TSHZ3: variants seen among roughly 807,000 people sequenced by gnomAD.
The protein encoded by TSHZ3 is teashirt zinc finger homeobox 3.
In TSHZ3, 10 loss-of-function variants were observed where a neutral mutation model predicts 64.5. The observed-to-expected ratio is 0.16, with a 90% confidence interval of 0.10 to 0.26. The LOEUF (loss-of-function observed/expected upper bound fraction) is 0.26. TSHZ3 is among the 10% of genes least tolerant of loss of function. The pLI is 1.00. For synonymous variants in TSHZ3, 608 were observed against 593.1 expected (o/e 1.03, Z -0.36); for missense variants, 1,242 against 1,421.7 (o/e 0.87, Z 2.03).
At chr19:31,195,089 GA>G (rs1470369547) in intron 5 of TSHZ3, among the ~76,000 whole-genome samples, 2 of 152,008 alleles carry the variant, frequency 1.3e-5, no homozygotes, top group African/African-American at 4.8e-5. Flanking sequence ...TAATATCTGA[GA>G]ACTATAGGAC....
chr19:31,348,449 A>G (rs1318110151), intron 1 of TSHZ3, among the ~76,000 whole-genome samples: 1 of 147,868 alleles, frequency 6.8e-6, no homozygotes, highest in South Asian at 2.2e-4. Flanking sequence ...AGGAGTTGAC[A>G]CTCCCGGTTA....
intron 1 of TSHZ3, among the ~76,000 whole-genome samples, chr19:31,293,141 C>T (rs139128814): frequency 6.6e-5 from 10 of 152,242 alleles, no homozygotes; most frequent in African/African-American, 2.4e-4. Context: ...ATCCATCCGC[C>T]CACCCACCCA....
chr19:31,188,229 T>C (rs1974843503), intron 5 of TSHZ3, among the ~76,000 whole-genome samples: 1 of 151,914 alleles, frequency 6.6e-6, no homozygotes, highest in African/African-American at 2.4e-5. Flanking sequence ...AGAATTGATC[T>C]TATCTCTAGT....
At chr19:31,150,664 C>A (rs1389638401) in exon 7 of TSHZ3, among the ~76,000 whole-genome samples, 2 of 152,184 alleles carry the variant, frequency 1.3e-5, no homozygotes, top group African/African-American at 4.8e-5. Context: ...TATTTCAGGC[C>A]AGCTCTTCAA....
chr19:31,250,108 A>T (rs1020381530), intron 1 of TSHZ3, among the ~76,000 whole-genome samples: 3 of 152,328 alleles, frequency 2.0e-5, no homozygotes, highest in South Asian at 2.1e-4. Context: ...ATGGACAGGC[A>T]CAGCCAAATC....
At chr19:31,218,082 G>A (rs1430972391) in intron 4 of TSHZ3, among the ~76,000 whole-genome samples, 1 of 152,168 alleles carries the variant, frequency 6.6e-6, no homozygotes, top group African/African-American at 2.4e-5. Flanking sequence ...TCTCCTCTGT[G>A]AAAGACACTG....
intron 1 of TSHZ3, among the ~76,000 whole-genome samples, chr19:31,333,134 AAAT>A (rs1917142276): frequency 6.6e-6 from 1 of 151,362 alleles, no homozygotes; most frequent in Non-Finnish European, 1.5e-5. Context: ...ATAAATAAAT[AAAT>A]AAATAAATAA....
At chr19:31,168,049 A>G (rs1974479897) in intron 5 of TSHZ3, among the ~76,000 whole-genome samples, 2 of 152,212 alleles carry the variant, frequency 1.3e-5, no homozygotes, top group Admixed American at 6.5e-5. Flanking sequence ...ACCCACAAAT[A>G]AGCAAGTGAA....
intron 1 of TSHZ3, among the ~76,000 whole-genome samples, chr19:31,285,110 G>C (rs1260651220): frequency 1.3e-5 from 2 of 152,192 alleles, no homozygotes; most frequent in East Asian, 3.9e-4. Context: ...AGGAAGATGG[G>C]AGGAGACACC....
chr19:31,227,792 G>C (rs1975489081), intron 4 of TSHZ3, among the ~76,000 whole-genome samples: 1 of 152,178 alleles, frequency 6.6e-6, no homozygotes, highest in African/African-American at 2.4e-5. Flanking sequence ...TATCCCTGCT[G>C]TCCCCAAATC....
At chr19:31,241,424 G>A (rs573740439) in intron 3 of TSHZ3, among the ~76,000 whole-genome samples, 1 of 152,092 alleles carries the variant, frequency 6.6e-6, no homozygotes, top group Non-Finnish European at 1.5e-5. Context: ...ACTCTAATAA[G>A]GTTGAGAATC....
intron 5 of TSHZ3, among the ~76,000 whole-genome samples, chr19:31,175,165 G>A (rs1046380999): frequency 1.1e-4 from 17 of 152,196 alleles, no homozygotes; most frequent in African/African-American, 3.9e-4. Context: ...TGCCCCAAGA[G>A]GCCCAGAGCT....
At chr19:31,340,980 C>A (rs907209382) in intron 1 of TSHZ3, among the ~76,000 whole-genome samples, 2 of 152,252 alleles carry the variant, frequency 1.3e-5, no homozygotes, top group African/African-American at 2.4e-5. Flanking sequence ...TCCAAAGAGA[C>A]TGCAGCATCC....
intron 4 of TSHZ3, among the ~76,000 whole-genome samples, chr19:31,219,942 T>A (rs1975377616): frequency 6.6e-6 from 1 of 151,968 alleles, no homozygotes; most frequent in Non-Finnish European, 1.5e-5. Context: ...TTTGGAAAGA[T>A]CAATTGATCA....
intron 1 of TSHZ3, among the ~76,000 whole-genome samples, chr19:31,288,545 G>A (rs1043030058): frequency 1.3e-5 from 2 of 152,084 alleles, no homozygotes; most frequent in African/African-American, 2.4e-5. Flanking sequence ...GGCAGTAGCT[G>A]GACTCTGGAG....
intron 1 of TSHZ3, among the ~76,000 whole-genome samples, chr19:31,281,583 A>T (rs1158382518): frequency 6.6e-6 from 1 of 152,174 alleles, no homozygotes; most frequent in Non-Finnish European, 1.5e-5. Context: ...GGGAACCTCA[A>T]GTTTAAGGCC....
chr19:31,330,707 G>GT (rs879897342), intron 1 of TSHZ3, among the ~76,000 whole-genome samples: 5 of 100,190 alleles, frequency 5.0e-5, no homozygotes, highest in African/African-American at 1.5e-4. Context: ...TTAATCCTTG[G>GT]GCGGGGGGAG....
At chr19:31,181,901 GAC>G (rs1271818412) in intron 5 of TSHZ3, among the ~76,000 whole-genome samples, 1 of 152,124 alleles carries the variant, frequency 6.6e-6, no homozygotes, top group Non-Finnish European at 1.5e-5. Context: ...TCAAGCTAAG[GAC>G]ACAGCTACAT....
downstream of TSHZ3, among the ~76,000 whole-genome samples, chr19:31,271,806 C>T (rs898949826): frequency 1.3e-5 from 2 of 152,150 alleles, no homozygotes; most frequent in Non-Finnish European, 2.9e-5. Flanking sequence ...GTTTCCATTA[C>T]CAAAAGAATA....
Sources: allele counts gnomAD v4.1 joint callset (sites outside exome capture counted in the v4.1 genomes callset), GRCh38; gene constraint gnomAD v4.1.1; transcripts MANE v1.5; gene names NCBI Gene and HGNC (gene_info 2026-07-23, HGNC 2026-07-21).